TDRD3: variants seen among roughly 807,000 people sequenced by gnomAD.
The protein encoded by TDRD3 is tudor domain-containing protein 3.
Under a neutral mutation model 86.7 loss-of-function variants are expected in TDRD3, and 45 were observed. That is an observed-to-expected ratio of 0.52 (90% CI 0.41 to 0.67). The LOEUF is 0.67. TDRD3 is among the 30% of genes least tolerant of loss of function. The pLI is 0.00. For synonymous variants in TDRD3, 298 were observed against 301.7 expected, an observed-to-expected ratio of 0.99 and a Z score of 0.13; for missense variants, 814 against 889.0, an observed-to-expected ratio of 0.92 and a Z score of 1.07.
At chr13:60,440,567 G>A (rs1955239079) in intron 2 of TDRD3, among the ~76,000 whole-genome samples, 1 of 152,028 alleles carries the variant, frequency 6.6e-6, no homozygotes, top group Non-Finnish European at 1.5e-5. Context: ...TGTAGTTCCA[G>A]CTACTCGGGA....
chr13:60,463,206 G>A (rs1289629049), intron 4 of TDRD3, among the ~76,000 whole-genome samples: 1 of 151,800 alleles, frequency 6.6e-6, no homozygotes, highest in Non-Finnish European at 1.5e-5. Context: ...AGACTAGCTG[G>A]GCGAACATGG....
At chr13:60,519,894 G>T (rs955338792) in intron 10 of TDRD3, among the ~76,000 whole-genome samples, 5 of 152,102 alleles carry the variant, frequency 3.3e-5, no homozygotes, top group Non-Finnish European at 7.4e-5. Flanking sequence ...ACTAGTTTGG[G>T]CTTTGCATGC....
At chr13:60,569,362 C>T (rs1958532721) in intron 13 of TDRD3, among the ~76,000 whole-genome samples, 1 of 151,884 alleles carries the variant, frequency 6.6e-6, no homozygotes, top group African/African-American at 2.4e-5. Context: ...TAAATTTAAC[C>T]AAAGAAGTGA....
intron 1 of TDRD3, among the ~76,000 whole-genome samples, chr13:60,418,060 C>T (rs892238515): frequency 6.6e-6 from 1 of 152,104 alleles, no homozygotes; most frequent in African/African-American, 2.4e-5. Flanking sequence ...GTTGTCTAAT[C>T]TTTAGATCTT....
At chr13:60,547,794 G>A (rs1054219844) in intron 12 of TDRD3, among the ~76,000 whole-genome samples, 1 of 152,096 alleles carries the variant, frequency 6.6e-6, no homozygotes, top group African/African-American at 2.4e-5. Context: ...AACCCAGTTG[G>A]TTAAATTAAT....
At chr13:60,442,263 A>C (rs1955293797) in intron 2 of TDRD3, among the ~76,000 whole-genome samples, 1 of 152,156 alleles carries the variant, frequency 6.6e-6, no homozygotes, top group East Asian at 1.9e-4. Context: ...TCCATTAGTA[A>C]AAATTTAAAA....
At chr13:60,431,870 G>T (rs536605146) in intron 1 of TDRD3, among the ~76,000 whole-genome samples, 1 of 152,012 alleles carries the variant, frequency 6.6e-6, no homozygotes, top group South Asian at 2.1e-4. Flanking sequence ...AACACTACAT[G>T]CTGGTACTTA....
chr13:60,486,490 A>C (rs1157746920), intron 7 of TDRD3, among the ~76,000 whole-genome samples: 2 of 152,134 alleles, frequency 1.3e-5, no homozygotes, highest in Non-Finnish European at 2.9e-5. Flanking sequence ...CCTCCTTTTT[A>C]ACTGACAAAT....
At chr13:60,515,766 A>T (rs1033874323) in intron 10 of TDRD3, among the ~76,000 whole-genome samples, 4 of 152,220 alleles carry the variant, frequency 2.6e-5, no homozygotes, top group Non-Finnish European at 4.4e-5. Flanking sequence ...TTAAGATAGC[A>T]TGTATTTTTA....
chr13:60,425,885 A>T (rs1954790802), intron 1 of TDRD3, among the ~76,000 whole-genome samples: 1 of 152,092 alleles, frequency 6.6e-6, no homozygotes, highest in Non-Finnish European at 1.5e-5. Flanking sequence ...TTTTCTTTTT[A>T]TTGTAGGAAT....
chr13:60,536,059 C>G (rs1353364476), intron 12 of TDRD3: 1 of 152,032 alleles, frequency 6.6e-6, no homozygotes, highest in Non-Finnish European at 1.5e-5. Context: ...ATTATATCAT[C>G]CAGAGTAACT....
intron 2 of TDRD3, among the ~76,000 whole-genome samples, chr13:60,442,984 T>C (rs1286477837): frequency 6.6e-6 from 1 of 152,060 alleles, no homozygotes; most frequent in Non-Finnish European, 1.5e-5. Flanking sequence ...TATTATAAAA[T>C]TTGTATGTAT....
At chr13:60,397,162 C>G (rs1014531545), upstream of TDRD3, 3 of 408,280 alleles carry the variant, frequency 7.3e-6, no homozygotes, top group Non-Finnish European at 8.7e-6. Context: ...CCAGGCCGGC[C>G]CCTACGGCCG....
rs144578928 is a variant in TDRD3, at chr13:60,460,495, A to C, written c.308A>C (p.His103Pro). The change falls in exon 4 of 14, where the codon CAT (histidine) becomes CCT (proline). Residue 103 changes from histidine (H) to proline (P), a missense_variant. Coordinates refer to ENST00000377881, the MANE Select transcript of TDRD3 (RefSeq NM_001146070.2). ...CTGCGATTACAGATGACTGATGGTCATATAAGTTGCACAGCAGTAGAATTT... is the reference window on the plus strand; with the variant it reads ...CTGCGATTACAGATGACTGATGGTCCTATAAGTTGCACAGCAGTAGAATTT... The part of the protein sequence containing the change: ...RMLRLQMTDG[H>P]ISCTAVEFSY... The C allele has an allele frequency of 1.3e-6, 2 of 1,581,888 alleles. No individual in the cohort carries two copies. Among genetic ancestry groups the C allele is most frequent in the Non-Finnish European group, 1.7e-6 (2 of 1,170,940 alleles).
At chr13:60,420,922 T>G (rs1471711927) in intron 1 of TDRD3, among the ~76,000 whole-genome samples, 3 of 152,118 alleles carry the variant, frequency 2.0e-5, no homozygotes, top group Non-Finnish European at 2.9e-5. Context: ...CCAACCTAGG[T>G]GACAGACTGA....
At chr13:60,416,833 C>T (rs1317418778) in intron 1 of TDRD3, among the ~76,000 whole-genome samples, 3 of 152,212 alleles carry the variant, frequency 2.0e-5, no homozygotes, top group Non-Finnish European at 4.4e-5. Flanking sequence ...CCTTGTCTCC[C>T]CTAACACTGT....
rs2137781726 is a variant in TDRD3 at position 60,528,886 on chromosome 13, T to G, written c.1661T>G (p.Ile554Arg). ...DYFYDRKSQTINNEAFSGIKI... is the reference protein window; with the variant it reads ...DYFYDRKSQTRNNEAFSGIKI... ...TTTTATGACAGGAAATCACAAACAA[T>G]AAATAATGAAGCTTTCAGTGGTATA... Residue 554 changes from isoleucine (I) to arginine (R), a missense_variant, in exon 11 of 14, where the codon ATA (isoleucine) becomes AGA (arginine). Coordinates refer to ENST00000377881, the MANE Select transcript of TDRD3 (RefSeq NM_001146070.2). 6.2e-7 allele frequency: 1 copy of G among 1,612,104 alleles called. No homozygotes were observed. The highest frequency in any genetic ancestry group is 1.1e-5 in the South Asian group (1 of 90,430).
chr13:60,552,497 G>A (rs989205766), intron 12 of TDRD3, among the ~76,000 whole-genome samples: 2 of 152,244 alleles, frequency 1.3e-5, no homozygotes, highest in Non-Finnish European at 2.9e-5. Context: ...TTGAGTGCCT[G>A]TGGCTTTTCC....
At chr13:60,396,849 T>G (rs1035422519), upstream of TDRD3, 1 of 152,584 alleles carries the variant, frequency 6.6e-6, no homozygotes, top group Non-Finnish European at 1.5e-5. Flanking sequence ...TGAGTTTTGC[T>G]GCCCGCAACG....
Sources: gnomAD v4.1 joint callset for allele counts (sites outside exome capture counted in the v4.1 genomes callset) on GRCh38, gnomAD v4.1.1 for gene constraint, MANE v1.5 for transcripts, NCBI Gene and HGNC (gene_info 2026-07-23, HGNC 2026-07-21) for gene names.